GPR158: variants seen among roughly 807,000 people sequenced by gnomAD.
GPR158 encodes metabotropic glycine receptor.
Under a neutral mutation model 78.2 loss-of-function variants are expected in GPR158, and 30 were observed. The ratio of observed to expected loss-of-function variants is 0.38; its 90% CI spans 0.29 to 0.52. GPR158 has a LOEUF of 0.52. Ranked by LOEUF, GPR158 falls within the 20% of genes least tolerant of loss-of-function variation. GPR158 has a pLI of 0.83. For missense variants in GPR158, 1,463 were observed against 1,523.5 expected (o/e 0.96, Z 0.66); for synonymous variants, 581 against 591.1 (o/e 0.98, Z 0.25).
intron 2 of GPR158, among the ~76,000 whole-genome samples, chr10:25,272,467 G>A (rs1405991858): frequency 5.3e-5 from 8 of 151,294 alleles, no homozygotes; most frequent in South Asian, 2.1e-4. Flanking sequence ...CTTCCTTTCC[G>A]TAGCTCTTTT....
chr10:25,578,467 C>G (rs4237373), intron 7 of GPR158, among the ~76,000 whole-genome samples: 9 of 151,980 alleles, frequency 5.9e-5, no homozygotes, highest in African/African-American at 1.7e-4. Context: ...GGTAAATGTA[C>G]AAGTTCAAAT....
At chr10:25,576,039 T>C (rs967744837) in intron 7 of GPR158, among the ~76,000 whole-genome samples, 4 of 149,828 alleles carry the variant, frequency 2.7e-5, no homozygotes, top group Non-Finnish European at 4.5e-5. Context: ...ATTGAAGACA[T>C]TGAAGAATTC....
At position 25,241,620 on chromosome 10, in the gene GPR158, C is replaced by T. The variant is rs190450713; in HGVS notation, c.1008+20463C>T. 3.3e-5 allele frequency among the ~76,000 whole-genome samples: 5 copies of T among 152,094 alleles called. No individual in the cohort carries two copies. The East Asian group carries it at 9.7e-4, about 29-fold the overall frequency. ...TATTTTTAGTAGAGATGGGGTTTCA[C>T]CATGTTGGCCAGGCTGATCTCGAAC... is the stretch of plus-strand genomic sequence containing the variant. On this transcript the variant is annotated intron_variant, in intron 2 of 10. Coordinates refer to ENST00000376351, the MANE Select transcript of GPR158 (RefSeq NM_020752.3).
chr10:25,178,659 G>C (rs1413180655), intron 1 of GPR158, among the ~76,000 whole-genome samples: 1 of 152,188 alleles, frequency 6.6e-6, no homozygotes, highest in Non-Finnish European at 1.5e-5. Context: ...CTCTATAGAA[G>C]CTGGCTTGTC....
intron 2 of GPR158, among the ~76,000 whole-genome samples, chr10:25,311,485 A>G (rs1021061261): frequency 6.6e-6 from 1 of 151,980 alleles, no homozygotes; most frequent in Non-Finnish European, 1.5e-5. Context: ...TATTGTGTAT[A>G]TGAAAGCTAT....
In GPR158 at chr10:25,600,446, A is replaced by C. The variant is rs1837480800; in HGVS notation, c.*1172A>C. 6.6e-6 allele frequency: 1 copy of C among 152,350 alleles called. No individual in the cohort carries two copies. 9.4% of individuals were successfully genotyped at this position (152,350 alleles called of 1,614,324 possible). On this transcript the variant is annotated 3_prime_UTR_variant, in exon 11 of 11. Transcript: ENST00000376351. ...AAGTTTGCCTTTCAAAAAAAAACAC[A>C]GGTAGCTCCTGATAGCACTTTCAAG...
chr10:25,345,095 C>T (rs993855538), intron 2 of GPR158, among the ~76,000 whole-genome samples: 4 of 152,008 alleles, frequency 2.6e-5, no homozygotes, highest in South Asian at 2.1e-4. Flanking sequence ...CACAGGCATT[C>T]GGACCACAGC....
chr10:25,243,154 A>G lies in GPR158; in HGVS notation c.1008+21997A>G, dbSNP rs569282926. 2.6e-5 allele frequency among the ~76,000 whole-genome samples: 4 copies of G among 152,284 alleles called. No individual in the cohort carries two copies. In the South Asian group the frequency reaches 6.2e-4, roughly 24 times the overall value. Reference sequence around the variant, plus strand: ...AACCAACAAATCTCCCCCTCCTTACAAGCTATTCTGTCATTCACATACATC... The same window carrying G: ...AACCAACAAATCTCCCCCTCCTTACGAGCTATTCTGTCATTCACATACATC... On this transcript the variant is annotated intron_variant, in intron 2 of 10. Coordinates refer to ENST00000376351, the MANE Select transcript of GPR158 (RefSeq NM_020752.3).
intron 5 of GPR158, among the ~76,000 whole-genome samples, chr10:25,472,151 G>A (rs1394096737): frequency 6.6e-6 from 1 of 152,062 alleles, no homozygotes; most frequent in East Asian, 1.9e-4. Flanking sequence ...AAGGTGTAAG[G>A]AAGGGATCCA....
intron 2 of GPR158, among the ~76,000 whole-genome samples, chr10:25,379,779 C>T: frequency 6.7e-6 from 1 of 150,010 alleles, no homozygotes; most frequent in African/African-American, 2.4e-5. Flanking sequence ...GGTGGCATCT[C>T]TTCTTCTTAT....
At chr10:25,502,841 A>G in intron 5 of GPR158, among the ~76,000 whole-genome samples, 1 of 152,184 alleles carries the variant, frequency 6.6e-6, no homozygotes, top group Admixed American at 6.6e-5. Flanking sequence ...CAAAAATGAT[A>G]AAGGTGGGTA....
At chr10:25,462,761 G>A (rs1317440164) in intron 4 of GPR158, among the ~76,000 whole-genome samples, 3 of 152,222 alleles carry the variant, frequency 2.0e-5, no homozygotes, top group African/African-American at 7.2e-5. Context: ...CTGAACATGT[G>A]TCTGAGTTAC....
chr10:25,484,653 T>C (rs1161139255), intron 5 of GPR158, among the ~76,000 whole-genome samples: 2 of 152,202 alleles, frequency 1.3e-5, no homozygotes, highest in East Asian at 3.9e-4. Flanking sequence ...GTTTTTGCTA[T>C]GTAGAAAGAA....
intron 2 of GPR158, among the ~76,000 whole-genome samples, chr10:25,338,609 A>ATACATATTATATATTTTATTATATAT (rs55933044): frequency 6.8e-6 from 1 of 146,368 alleles, no homozygotes; most frequent in South Asian, 2.1e-4. Context: ...ATTATATATA[A>ATACATATTATATATTTTATTATATAT]AAAATCATAT....
intron 2 of GPR158, among the ~76,000 whole-genome samples, chr10:25,378,349 C>CA: frequency 6.6e-6 from 1 of 151,832 alleles, no homozygotes. Flanking sequence ...GCTTAAAATG[C>CA]AAATGAAATT....
At chr10:25,284,473 T>A (rs1588774533) in intron 2 of GPR158, among the ~76,000 whole-genome samples, 1 of 148,234 alleles carries the variant, frequency 6.7e-6, no homozygotes, top group South Asian at 2.3e-4. Context: ...TGGAATAATA[T>A]TTTTTTTCTG....
chr10:25,400,377 T>C (rs1471382336), intron 3 of GPR158, among the ~76,000 whole-genome samples: 2 of 152,158 alleles, frequency 1.3e-5, no homozygotes, highest in African/African-American at 4.8e-5. Flanking sequence ...AATATAAATA[T>C]GACTTAAAAA....
intron 2 of GPR158, among the ~76,000 whole-genome samples, chr10:25,320,785 T>C (rs1251899291): frequency 6.6e-6 from 1 of 152,228 alleles, no homozygotes; most frequent in Non-Finnish European, 1.5e-5. Flanking sequence ...TGAAAAATAA[T>C]GCTGTCACCC....
intron 2 of GPR158, among the ~76,000 whole-genome samples, chr10:25,284,579 A>G (rs1854320632): frequency 6.6e-6 from 1 of 151,792 alleles, no homozygotes; most frequent in Non-Finnish European, 1.5e-5. Flanking sequence ...CAGTCTGACA[A>G]TCTGTCTTTT....
Sources: allele counts gnomAD v4.1 joint callset (sites outside exome capture counted in the v4.1 genomes callset), GRCh38; gene constraint gnomAD v4.1.1; transcripts MANE v1.5; gene names NCBI Gene and HGNC (gene_info 2026-07-23, HGNC 2026-07-21).